NME7: variants seen among roughly 807,000 people sequenced by gnomAD.
NME7 encodes the protein nucleoside diphosphate kinase 7.
In NME7, 41 loss-of-function variants were observed where a neutral mutation model predicts 49.1. The observed-to-expected ratio is 0.83, with a 90% CI of 0.65 to 1.08. NME7 has a LOEUF of 1.08. Among genes scored for constraint, NME7 ranks in the 50% least tolerant of loss-of-function variants. NME7 has a pLI of 0.00. For synonymous variants in NME7, 139 were observed against 150.6 expected (o/e 0.92, Z 0.56); for missense variants, 423 against 463.4 (o/e 0.91, Z 0.80).
intron 10 of NME7, among the ~76,000 whole-genome samples, chr1:169,203,894 T>C (rs976716319): frequency 3.9e-5 from 6 of 152,120 alleles, no homozygotes; most frequent in African/African-American, 1.4e-4. Context: ...TCTTGCTCTG[T>C]CAACCAGGCT....
At chr1:169,198,667 T>C (rs957384910) in intron 10 of NME7, among the ~76,000 whole-genome samples, 1 of 151,998 alleles carries the variant, frequency 6.6e-6, no homozygotes, top group East Asian at 1.9e-4. Context: ...GGAAAATCTA[T>C]AGAGATAGAA....
intron 7 of NME7, among the ~76,000 whole-genome samples, chr1:169,264,492 C>G (rs928905736): frequency 1.5e-5 from 2 of 133,252 alleles, no homozygotes; most frequent in African/African-American, 5.1e-5. Context: ...TTTTTAAAAG[C>G]CAGAGAATGA....
chr1:169,234,730 A>G (rs1206784513), intron 9 of NME7, among the ~76,000 whole-genome samples: 1 of 152,144 alleles, frequency 6.6e-6, no homozygotes, highest in African/African-American at 2.4e-5. Flanking sequence ...GAGGGGGAAG[A>G]AAAAAGAAGA....
intron 1 of NME7, among the ~76,000 whole-genome samples, chr1:169,336,259 C>T (rs1273966548): frequency 1.3e-5 from 2 of 152,106 alleles, no homozygotes; most frequent in Non-Finnish European, 2.9e-5. Context: ...ATAAAAGCAG[C>T]ATGGACCCAA....
chr1:169,259,025 T>C (rs1412989801), intron 7 of NME7, among the ~76,000 whole-genome samples: 1 of 134,024 alleles, frequency 7.5e-6, no homozygotes, highest in African/African-American at 2.5e-5. Flanking sequence ...GCATCACAAC[T>C]ACTCCTTTGG....
intron 11 of NME7, among the ~76,000 whole-genome samples, chr1:169,163,479 T>C (rs1659306787): frequency 6.6e-6 from 1 of 151,946 alleles, no homozygotes; most frequent in South Asian, 2.1e-4. Flanking sequence ...CAAGGAAAAA[T>C]TCAGAAACTG....
intron 10 of NME7, among the ~76,000 whole-genome samples, chr1:169,187,281 T>C (rs1006794742): frequency 1.3e-5 from 2 of 152,144 alleles, no homozygotes; most frequent in South Asian, 2.1e-4. Context: ...CAGAGTTGAG[T>C]TCAAGTCCTG....
At chr1:169,223,568 T>C (rs1296780141) in intron 10 of NME7, among the ~76,000 whole-genome samples, 1 of 152,200 alleles carries the variant, frequency 6.6e-6, no homozygotes, top group African/African-American at 2.4e-5. Flanking sequence ...TCAAGCTGGC[T>C]TCTGTGTCCT....
At chr1:169,257,537 C>T (rs1328840819) in intron 7 of NME7, among the ~76,000 whole-genome samples, 2 of 134,134 alleles carry the variant, frequency 1.5e-5, no homozygotes, top group African/African-American at 2.5e-5. Flanking sequence ...GCGTCGCTCA[C>T]GCTGGGAGCT....
chr1:169,261,209 AT>A (rs2101863432), intron 7 of NME7, among the ~76,000 whole-genome samples: 1 of 134,618 alleles, frequency 7.4e-6, no homozygotes, highest in East Asian at 2.0e-4. Flanking sequence ...TATAAGTGAT[AT>A]TTATTGTTTG....
chr1:169,310,786 G>A (rs559135500), intron 3 of NME7: 2 of 152,104 alleles, frequency 1.3e-5, no homozygotes, highest in African/African-American at 4.8e-5. Flanking sequence ...CATGACAAAG[G>A]TTACACAGCT....
At chr1:169,258,187 AT>A (rs1649031650) in intron 7 of NME7, among the ~76,000 whole-genome samples, 1 of 127,170 alleles carries the variant, frequency 7.9e-6, no homozygotes, top group African/African-American at 2.6e-5. Flanking sequence ...AAAATAAGAA[AT>A]TAGCTAGGTG....
At chr1:169,263,564 C>A (rs1649228749) in intron 7 of NME7, among the ~76,000 whole-genome samples, 1 of 132,704 alleles carries the variant, frequency 7.5e-6, no homozygotes, top group Non-Finnish European at 1.8e-5. Context: ...GAAAACAGAA[C>A]AAAAAGGAAT....
chr1:169,214,633 C>T (rs1010803538), intron 10 of NME7, among the ~76,000 whole-genome samples: 19 of 152,298 alleles, frequency 1.2e-4, no homozygotes, highest in African/African-American at 4.6e-4. Context: ...TGTCAAGAAA[C>T]AAAGGTATTG....
chr1:169,350,789 A>G (rs1653145684), intron 1 of NME7, among the ~76,000 whole-genome samples: 1 of 152,144 alleles, frequency 6.6e-6, no homozygotes, highest in African/African-American at 2.4e-5. Flanking sequence ...CTTCGTTTGG[A>G]AATTAGAATT....
chr1:169,337,977 A>G (rs559246686), intron 1 of NME7, among the ~76,000 whole-genome samples: 1 of 152,314 alleles, frequency 6.6e-6, no homozygotes, highest in East Asian at 1.9e-4. Context: ...TCATAAATCT[A>G]TCTTGTAAAG....
At chr1:169,151,575 T>TC (rs1231467444) in intron 11 of NME7, among the ~76,000 whole-genome samples, 4 of 151,652 alleles carry the variant, frequency 2.6e-5, no homozygotes, top group Admixed American at 2.6e-4. Flanking sequence ...CCTCCGCTAG[T>TC]CCCCCCCAGG....
At chr1:169,156,764 G>T (rs189858707) in intron 11 of NME7, among the ~76,000 whole-genome samples, 11 of 152,246 alleles carry the variant, frequency 7.2e-5, no homozygotes, top group African/African-American at 2.4e-4. Context: ...ACTATGACGG[G>T]ATATAGGAGG....
intron 7 of NME7, among the ~76,000 whole-genome samples, chr1:169,262,687 G>A (rs1204949865): frequency 7.5e-6 from 1 of 133,428 alleles, no homozygotes; most frequent in Non-Finnish European, 1.8e-5. Flanking sequence ...GGGAAAGGGT[G>A]AGTGAGTGAC....
Sources: gnomAD v4.1 joint callset for allele counts (sites outside exome capture counted in the v4.1 genomes callset) on GRCh38, gnomAD v4.1.1 for gene constraint, MANE v1.5 for transcripts, NCBI Gene and HGNC (gene_info 2026-07-23, HGNC 2026-07-21) for gene names.